Variants in LUZP2 observed in about 807,000 individuals in gnomAD.
The protein encoded by LUZP2 is leucine zipper protein 2.
A neutral mutation model predicts 51.6 loss-of-function variants in LUZP2; 52 were observed. The ratio of observed to expected loss-of-function variants is 1.01; its 90% CI spans 0.81 to 1.27. The LOEUF (loss-of-function observed/expected upper bound fraction) is 1.27, where lower values mean the gene tolerates loss of function less well. LUZP2 is among the 50% of genes most tolerant of loss of function. The pLI, the probability that LUZP2 is intolerant of heterozygous loss-of-function variation, is 0.00. For synonymous variants in LUZP2, 154 were observed against 137.3 expected (o/e 1.12, Z -0.85); for missense variants, 436 against 395.4 (o/e 1.10, Z -0.87).
chr11:24,519,193 C>T (rs1233251191), intron 1 of LUZP2, among the ~76,000 whole-genome samples: 1 of 152,148 alleles, frequency 6.6e-6, no homozygotes, highest in Admixed American at 6.5e-5. Context: ...TCATACCATC[C>T]TCTTTATATT....
chr11:24,643,068 C>A (rs1287300324), intron 1 of LUZP2, among the ~76,000 whole-genome samples: 1 of 151,670 alleles, frequency 6.6e-6, no homozygotes, highest in East Asian at 1.9e-4. Context: ...AAAATCTAGG[C>A]AAAACGTGAT....
chr11:24,989,450 T>C (rs1856273381), intron 9 of LUZP2, among the ~76,000 whole-genome samples: 4 of 152,118 alleles, frequency 2.6e-5, no homozygotes, highest in Admixed American at 2.6e-4. Flanking sequence ...TCATTATTTA[T>C]TTTGTTTAAT....
chr11:25,018,715 C>T (rs1857239511), intron 9 of LUZP2, among the ~76,000 whole-genome samples: 1 of 149,106 alleles, frequency 6.7e-6, no homozygotes, highest in African/African-American at 2.5e-5. Flanking sequence ...TCAAGTGATT[C>T]TCATGCCTCA....
chr11:24,647,609 A>G (rs1357711369), intron 1 of LUZP2, among the ~76,000 whole-genome samples: 1 of 151,972 alleles, frequency 6.6e-6, no homozygotes, highest in Non-Finnish European at 1.5e-5. Context: ...CACATAGAGA[A>G]ACAAATCAAC....
chr11:24,929,328 T>C (rs1277708574), intron 7 of LUZP2, among the ~76,000 whole-genome samples: 2 of 152,114 alleles, frequency 1.3e-5, no homozygotes, highest in Admixed American at 1.3e-4. Flanking sequence ...ATTTGTGCTT[T>C]TCCAAACTTT....
At chr11:24,497,680 G>A (rs1849868882) in intron 1 of LUZP2, among the ~76,000 whole-genome samples, 1 of 152,190 alleles carries the variant, frequency 6.6e-6, no homozygotes, top group Admixed American at 6.5e-5. Context: ...CTTTACATTG[G>A]AGTTGTCTTA....
At chr11:24,880,378 C>T (rs968408368) in intron 5 of LUZP2, among the ~76,000 whole-genome samples, 12 of 152,176 alleles carry the variant, frequency 7.9e-5, no homozygotes, top group Non-Finnish European at 1.6e-4. Context: ...TTCGGTGCCC[C>T]TTTCAGTGAT....
Position 24,541,810 on chromosome 11 carries a change from A to G in LUZP2, c.62+44505A>G, listed in dbSNP as rs184201422. On this transcript the variant is annotated intron_variant, in intron 1 of 11. Transcript: ENST00000336930. ...ATGATAAGAACCTAAGCTTTCAGAA[A>G]GACAAAGCATGAAGATAAGTACAGC... Among the ~76,000 whole-genome samples, 332 of 152,242 alleles carry G rather than the reference A, an allele frequency of 2.2e-3. 1 individual carries two copies. Among genetic ancestry groups the G allele is most frequent in the African/African-American group, 7.7e-3 (319 of 41,570 alleles).
chr11:24,597,082 T>C (rs1448229311), intron 1 of LUZP2, among the ~76,000 whole-genome samples: 1 of 152,110 alleles, frequency 6.6e-6, no homozygotes, highest in African/African-American at 2.4e-5. Context: ...ATTAGAAAGA[T>C]AAAATGGTTA....
intron 7 of LUZP2, among the ~76,000 whole-genome samples, chr11:24,925,179 A>C (rs1489121685): frequency 6.6e-6 from 1 of 152,158 alleles, no homozygotes; most frequent in African/African-American, 2.4e-5. Context: ...TTATTGCTAC[A>C]AAGAGTCTGC....
intron 1 of LUZP2, among the ~76,000 whole-genome samples, chr11:24,556,193 C>G (rs891017324): frequency 2.0e-5 from 3 of 152,178 alleles, no homozygotes; most frequent in African/African-American, 7.2e-5. Flanking sequence ...CCATCTCACA[C>G]AGGATTGAAA....
At chr11:24,758,828 T>C (rs915350404) in intron 4 of LUZP2, among the ~76,000 whole-genome samples, 1 of 152,094 alleles carries the variant, frequency 6.6e-6, no homozygotes, top group Non-Finnish European at 1.5e-5. Flanking sequence ...TCACATTTGG[T>C]AAGTCTATAG....
At chr11:24,939,078 T>G (rs898341388) in intron 7 of LUZP2, among the ~76,000 whole-genome samples, 2 of 152,150 alleles carry the variant, frequency 1.3e-5, no homozygotes, top group African/African-American at 4.8e-5. Context: ...TCTCTCTTTT[T>G]TTTTAATTTT....
chr11:24,829,797 T>C (rs1335245408), intron 5 of LUZP2, among the ~76,000 whole-genome samples: 2 of 152,240 alleles, frequency 1.3e-5, no homozygotes, highest in Non-Finnish European at 2.9e-5. Context: ...AAGTTGACTT[T>C]GAAAAGATTA....
At chr11:25,038,081 T>C (rs1439751080) in intron 9 of LUZP2, among the ~76,000 whole-genome samples, 1 of 151,972 alleles carries the variant, frequency 6.6e-6, no homozygotes, top group Non-Finnish European at 1.5e-5. Flanking sequence ...ATTATTTTTA[T>C]ATTAATATTA....
At chr11:25,000,860 C>T (rs570984004) in intron 9 of LUZP2, among the ~76,000 whole-genome samples, 1 of 152,088 alleles carries the variant, frequency 6.6e-6, no homozygotes. Context: ...ATTGTAGTTA[C>T]TATCCTTACT....
chr11:24,721,767 T>G (rs935939291), intron 1 of LUZP2, among the ~76,000 whole-genome samples: 7 of 152,186 alleles, frequency 4.6e-5, no homozygotes, highest in African/African-American at 1.4e-4. Context: ...TGTTTTATTC[T>G]TGTTGAAATT....
At chr11:24,742,057 T>TTTTTTA (rs571183533) in intron 4 of LUZP2, among the ~76,000 whole-genome samples, 4 of 116,328 alleles carry the variant, frequency 3.4e-5, no homozygotes, top group Admixed American at 8.7e-5. Flanking sequence ...ATAAATATAA[T>TTTTTTA]TATATATATA....
intron 4 of LUZP2, among the ~76,000 whole-genome samples, chr11:24,751,947 G>A (rs1287200294): frequency 2.0e-5 from 3 of 152,046 alleles, no homozygotes; most frequent in African/African-American, 7.2e-5. Flanking sequence ...AATGTTAACT[G>A]TAGACAATAG....
Sources: gnomAD v4.1 joint callset for allele counts (sites outside exome capture counted in the v4.1 genomes callset) on GRCh38, gnomAD v4.1.1 for gene constraint, MANE v1.5 for transcripts, NCBI Gene and HGNC (gene_info 2026-07-23, HGNC 2026-07-21) for gene names.